The following KCNQ1 variants were observed in gnomAD, a reference collection of about 807,000 sequenced individuals.
The protein encoded by KCNQ1 is potassium voltage-gated channel subfamily KQT member 1.
In KCNQ1, 49 loss-of-function variants were observed where a neutral mutation model predicts 72.4. The ratio of observed to expected loss-of-function variants is 0.68; its 90% CI spans 0.54 to 0.86. The LOEUF (loss-of-function observed/expected upper bound fraction) is 0.86. Among genes scored for constraint, KCNQ1 ranks in the 40% least tolerant of loss-of-function variants. KCNQ1 has a pLI of 0.00. For synonymous variants in KCNQ1, 450 were observed against 412.6 expected (o/e 1.09, Z -1.10); for missense variants, 790 against 945.1 (o/e 0.84, Z 2.15).
rs12802897 is a variant in KCNQ1 at position 2,562,078 on chromosome 11, A to C, written c.478-8550A>C. On this transcript the variant is annotated intron_variant, in intron 2 of 15. Coordinates refer to ENST00000155840, the MANE Select transcript of KCNQ1 (RefSeq NM_000218.3). The surrounding 1 kb of genome is among the most constrained non-coding windows in gnomAD (Gnocchi z 7.5). ...ATGTCCCCAGCAGTAAGGCCAGGAC[A>C]GGGCAGCCGGACCCCGACTGTGCCA... Among the ~76,000 whole-genome samples the C allele has an allele frequency of 0.1, 15,858 of 152,044 alleles. 956 individuals are homozygous for C. The highest frequency in any genetic ancestry group is 0.23 in the East Asian group (1,173 of 5,126).
At chr11:2,662,860 C>T (rs895317728) in intron 11 of KCNQ1, 4 of 398,672 alleles carry the variant, frequency 1.0e-5, no homozygotes, top group African/African-American at 8.2e-5. Flanking sequence ...CTTCTCTCTA[C>T]CAACATTTTT....
In KCNQ1 at chr11:2,658,469, C is replaced by G; in HGVS notation, c.1394-3492C>G. 5.0e-6 allele frequency: 2 copies of G among 398,512 alleles called. No homozygotes were observed. The highest frequency in any genetic ancestry group is 8.8e-6 in the Non-Finnish European group (2 of 226,046). The allele number at this position is 398,512 out of a possible 1,614,324, so 24.7% of individuals were successfully genotyped here. On this transcript the variant is annotated intron_variant, in intron 10 of 15. Transcript: ENST00000155840. This position sits in a 1 kb window ranked among gnomAD's most constrained non-coding sequence, Gnocchi z 4.9. The stretch of plus-strand genomic sequence containing the variant: ...TGTGTCCTTTTGATGTGCCCCCCGC[C>G]ATCCTTTTCATTTATTTTTAAGCAT...
Position 2,659,655 on chromosome 11 carries a change from T to C in KCNQ1, c.1394-2306T>C. On this transcript the variant is annotated intron_variant, in intron 10 of 15. Coordinates refer to ENST00000155840, the MANE Select transcript of KCNQ1 (RefSeq NM_000218.3). This position sits in a 1 kb window ranked among gnomAD's most constrained non-coding sequence, Gnocchi z 4.3. The stretch of plus-strand genomic sequence containing the variant: ...GTCATGTGGTATGTGTATGTTTAAC[T>C]TAATAAGAAATTGCTAAACTATTTC... 2.5e-6 allele frequency: 1 copy of C among 398,552 alleles called. No homozygotes were observed. The allele number at this position is 398,552 out of a possible 1,614,324, so 24.7% of individuals were successfully genotyped here. A position where few individuals can be genotyped will look rare whatever the true frequency, so the allele number is the denominator to read the frequency against.
Position 2,543,576 on chromosome 11 carries a change from A to G in KCNQ1, c.477+15558A>G, listed in dbSNP as rs879105986. 3.3e-5 allele frequency among the ~76,000 whole-genome samples: 5 copies of G among 152,318 alleles called. No homozygotes were observed. Among genetic ancestry groups the G allele is most frequent in the Admixed American group, 3.3e-4 (5 of 15,302 alleles). ...GGTGTGAGCCACTGCTCCAGGCCCA[A>G]TAGTATCTTTTAAAGACCAAACATT... On this transcript the variant is annotated intron_variant, in intron 2 of 15. Coordinates refer to ENST00000155840, the MANE Select transcript of KCNQ1 (RefSeq NM_000218.3). This position sits in a 1 kb window ranked among gnomAD's most constrained non-coding sequence, Gnocchi z 5.6.
At chr11:2,728,433 T>G (rs1186113903) in intron 11 of KCNQ1, among the ~76,000 whole-genome samples, 3 of 152,276 alleles carry the variant, frequency 2.0e-5, no homozygotes, top group Non-Finnish European at 4.4e-5. Flanking sequence ...CGTTTGACTC[T>G]AGAACCGGGG....
Position 2,627,134 on chromosome 11 carries a change from C to T in KCNQ1, c.1394-34827C>T. 2.5e-6 allele frequency: 1 copy of T among 398,418 alleles called. No homozygotes were observed. The highest frequency in any genetic ancestry group is 4.4e-6 in the Non-Finnish European group (1 of 226,012). The allele number at this position is 398,418 out of a possible 1,614,324, so 24.7% of individuals were successfully genotyped here. On this transcript the variant is annotated intron_variant, in intron 10 of 15. Coordinates refer to ENST00000155840, the MANE Select transcript of KCNQ1 (RefSeq NM_000218.3). This position sits in a 1 kb window ranked among gnomAD's most constrained non-coding sequence, Gnocchi z 4.9. ...AATTTTCATTGTACAAGACTTTCAC[C>T]TCCTTGGTAAAGTTGGTTCCTAAGT...
intron 10 of KCNQ1, chr11:2,614,840 T>C (rs1271933311): frequency 1.8e-5 from 7 of 398,376 alleles, no homozygotes; most frequent in Non-Finnish European, 2.7e-5. Flanking sequence ...CTTCCAACTT[T>C]GTTCTTTTTC....
chr11:2,622,801 A>G (rs1849197271), intron 10 of KCNQ1: 1 of 398,670 alleles, frequency 2.5e-6, no homozygotes, highest in East Asian at 3.6e-5. Context: ...CACTGCACCC[A>G]TACATACAGA....
Position 2,772,904 on chromosome 11 carries a change from A to G in KCNQ1, c.1591-3056A>G, listed in dbSNP as rs1182401944. Among the ~76,000 whole-genome samples the G allele has an allele frequency of 6.6e-6, 1 of 152,098 alleles. No individual in the cohort carries two copies. The highest frequency in any genetic ancestry group is 1.5e-5 in the Non-Finnish European group (1 of 68,012). On this transcript the variant is annotated intron_variant, in intron 12 of 15. Transcript: ENST00000155840. The surrounding 1 kb of genome is among the most constrained non-coding windows in gnomAD (Gnocchi z 6.6). ...GATGGCTGGAGGTGCCCCATGCTTC[A>G]GCTTCACAGAGCTCTGTGGTCTGCA...
intron 10 of KCNQ1, among the ~76,000 whole-genome samples, chr11:2,594,226 T>C (rs1201680899): frequency 2.0e-5 from 3 of 152,236 alleles, no homozygotes; most frequent in Admixed American, 6.5e-5. Flanking sequence ...GGTTAATATG[T>C]ACATTTTGTC....
intron 11 of KCNQ1, chr11:2,688,568 A>C: frequency 2.5e-6 from 1 of 398,704 alleles, no homozygotes; most frequent in Non-Finnish European, 4.4e-6. Flanking sequence ...CCACAGCCTC[A>C]TAGCAGCCAG....
Position 2,824,998 on chromosome 11 carries a change from G to A in KCNQ1, c.1795-22769G>A, listed in dbSNP as rs186237779. On this transcript the variant is annotated intron_variant, in intron 15 of 15. Coordinates refer to ENST00000155840, the MANE Select transcript of KCNQ1 (RefSeq NM_000218.3). The surrounding 1 kb of genome is among the most constrained non-coding windows in gnomAD (Gnocchi z 5.9). ...CGGGTGTGGATGGAAGCTGTACGAT[G>A]GGGCCTGGGCCAGGGATTGTGGGCC... Among the ~76,000 whole-genome samples the A allele has an allele frequency of 1.4e-4, 21 of 152,352 alleles. No individual in the cohort carries two copies. The East Asian group carries it at 4.0e-3, about 29-fold the overall frequency.
intron 15 of KCNQ1, chr11:2,839,959 C>CAAAGT (rs960936920): frequency 6.6e-6 from 1 of 152,118 alleles, no homozygotes; most frequent in African/African-American, 2.4e-5. Context: ...GCGTAGACGC[C>CAAAGT]AAAGTACAGG....
At chr11:2,469,054 C>G (rs761682146) in intron 1 of KCNQ1, among the ~76,000 whole-genome samples, 1 of 152,176 alleles carries the variant, frequency 6.6e-6, no homozygotes, top group Non-Finnish European at 1.5e-5. Context: ...GCTCTAGTTC[C>G]TCTGTCTCCT....
intron 11 of KCNQ1, among the ~76,000 whole-genome samples, chr11:2,749,752 G>T (rs113369546): frequency 0.15 from 22,215 of 151,142 alleles, 1,797 homozygotes; most frequent in East Asian, 0.28. Context: ...GGCAGAGCTT[G>T]CAGTGAGCCA....
In KCNQ1 at chr11:2,563,653, G is replaced by A. The variant is rs954551536; in HGVS notation, c.478-6975G>A. 5.3e-5 allele frequency among the ~76,000 whole-genome samples: 8 copies of A among 152,306 alleles called. No homozygotes were observed. The highest frequency in any genetic ancestry group is 1.9e-4 in the East Asian group (1 of 5,188). On this transcript the variant is annotated intron_variant, in intron 2 of 15. Coordinates refer to ENST00000155840, the MANE Select transcript of KCNQ1 (RefSeq NM_000218.3). The surrounding 1 kb of genome is among the most constrained non-coding windows in gnomAD (Gnocchi z 7.4). ...CAGTGACTGTGCCTTAGGGTGTCCCGTTGGCATCCAGGGCCCCCCGTGAAG... is the reference window on the plus strand; with the variant it reads ...CAGTGACTGTGCCTTAGGGTGTCCCATTGGCATCCAGGGCCCCCCGTGAAG...
At position 2,781,521 on chromosome 11, in the gene KCNQ1, C is replaced by G. The variant is rs1846822398; in HGVS notation, c.1794+3484C>G. Among the ~76,000 whole-genome samples the G allele has an allele frequency of 6.6e-6, 1 of 152,188 alleles. No individual in the cohort carries two copies. The highest frequency in any genetic ancestry group is 1.5e-5 in the Non-Finnish European group (1 of 68,030). ...CGGAGAGAGCTGGCCCTGCCCACTC[C>G]CCCTCTGGCCCCACTGGGCTTCCTG... On this transcript the variant is annotated intron_variant, in intron 15 of 15. Transcript: ENST00000155840. This position sits in a 1 kb window ranked among gnomAD's most constrained non-coding sequence, Gnocchi z 6.6.
Position 2,787,965 on chromosome 11 carries a change from C to T in KCNQ1, c.1794+9928C>T, listed in dbSNP as rs1564893097. ...CCACACAGATTCAGCTATGGGACAG[C>T]GCTGCTTTGGACGGGCATGGCCGTG... On this transcript the variant is annotated intron_variant, in intron 15 of 15. Coordinates refer to ENST00000155840, the MANE Select transcript of KCNQ1 (RefSeq NM_000218.3). The surrounding 1 kb of genome is among the most constrained non-coding windows in gnomAD (Gnocchi z 6.3). Among the ~76,000 whole-genome samples the T allele has an allele frequency of 6.6e-6, 1 of 152,166 alleles. No homozygotes were observed.
chr11:2,788,545 ACCACCCC>A (rs1320918002), intron 15 of KCNQ1, among the ~76,000 whole-genome samples: 2 of 117,566 alleles, frequency 1.7e-5, no homozygotes, highest in African/African-American at 6.4e-5. Context: ...TCCCCTCTGC[ACCACCCC>A]CCGCCCCCCA....
Sources: gnomAD v4.1 joint callset for allele counts (sites outside exome capture counted in the v4.1 genomes callset) on GRCh38, gnomAD v4.1.1 for gene constraint, Gnocchi (gnomAD v3.1) non-coding constraint, MANE v1.5 for transcripts, NCBI Gene and HGNC (gene_info 2026-07-23, HGNC 2026-07-21) for gene names.